The following ATP6V1H variants were observed in gnomAD, a reference collection of about 807,000 sequenced individuals.
ATP6V1H encodes the protein V-type proton ATPase subunit H.
Under a neutral mutation model 71.7 loss-of-function variants are expected in ATP6V1H, and 39 were observed. The observed-to-expected ratio is 0.54, with a 90% CI of 0.42 to 0.71. The LOEUF is 0.71. ATP6V1H is among the 30% of genes least tolerant of loss of function. The pLI, the probability that ATP6V1H is intolerant of heterozygous loss-of-function variation, is 0.00. For synonymous variants in ATP6V1H, 192 were observed against 199.3 expected (o/e 0.96, Z 0.31); for missense variants, 509 against 594.9 (o/e 0.86, Z 1.50).
intron 5 of ATP6V1H, 59 bp downstream of exon 5, chr8:53,817,358 T>A: frequency 8.5e-7 from 1 of 1,172,824 alleles, no homozygotes; most frequent in Non-Finnish European, 1.2e-6. Flanking sequence ...GACAACATAG[T>A]GAGACCCTCT....
chr8:53,791,554 C>T (rs1256822898), intron 9 of ATP6V1H, among the ~76,000 whole-genome samples: 4 of 152,256 alleles, frequency 2.6e-5, no homozygotes, highest in Admixed American at 6.5e-5. Context: ...ACAAGTCCTA[C>T]AAGCACAAAC....
At chr8:53,829,378 T>C (rs919999785) in intron 4 of ATP6V1H, 66 bp downstream of exon 4, 4 of 943,598 alleles carry the variant, frequency 4.2e-6, no homozygotes, top group African/African-American at 3.3e-5. Context: ...TCACCAAAAA[T>C]GCTGCTACTG....
At chr8:53,738,005 AAAT>A (rs1807285109) in intron 13 of ATP6V1H, among the ~76,000 whole-genome samples, 1 of 152,226 alleles carries the variant, frequency 6.6e-6, no homozygotes, top group Non-Finnish European at 1.5e-5. Context: ...GAAACTGAGA[AAAT>A]AATTCAAAAA....
At chr8:53,719,452 G>T (rs953369603) in intron 13 of ATP6V1H, among the ~76,000 whole-genome samples, 11 of 152,110 alleles carry the variant, frequency 7.2e-5, no homozygotes, top group African/African-American at 2.7e-4. Context: ...CACTGCACCT[G>T]GCCAGCTTAT....
intron 9 of ATP6V1H, among the ~76,000 whole-genome samples, chr8:53,780,692 T>A (rs534609698): frequency 2.0e-5 from 3 of 151,942 alleles, no homozygotes; most frequent in Admixed American, 6.5e-5. Context: ...CCCTCCCCCA[T>A]CCCCCACTCC....
At chr8:53,800,169 C>G (rs1440966966) in intron 8 of ATP6V1H, among the ~76,000 whole-genome samples, 1 of 152,194 alleles carries the variant, frequency 6.6e-6, no homozygotes, top group Non-Finnish European at 1.5e-5. Context: ...TGCGACCCCT[C>G]TGGGAGGAAG....
At chr8:53,781,045 G>C (rs956836554) in intron 9 of ATP6V1H, among the ~76,000 whole-genome samples, 3 of 152,048 alleles carry the variant, frequency 2.0e-5, no homozygotes, top group African/African-American at 7.3e-5. Context: ...TAATCCTTTG[G>C]GTATATACCC....
intron 2 of ATP6V1H, among the ~76,000 whole-genome samples, chr8:53,834,884 G>A (rs1330696586): frequency 1.3e-5 from 2 of 149,512 alleles, no homozygotes; most frequent in East Asian, 4.3e-4. Context: ...GCTCATGCCT[G>A]TAATCCCAGC....
At chr8:53,748,622 A>G (rs776691840) in intron 12 of ATP6V1H, among the ~76,000 whole-genome samples, 2 of 152,226 alleles carry the variant, frequency 1.3e-5, no homozygotes, top group Non-Finnish European at 2.9e-5. Context: ...CCCATGATAA[A>G]TGAGGAAATG....
intron 4 of ATP6V1H, among the ~76,000 whole-genome samples, chr8:53,828,611 G>A (rs1356107955): frequency 6.6e-6 from 1 of 152,098 alleles, no homozygotes; most frequent in South Asian, 2.1e-4. Flanking sequence ...TCCTGATATT[G>A]ATCCTTCCTC....
intron 6 of ATP6V1H, among the ~76,000 whole-genome samples, chr8:53,812,913 T>A (rs1189511579): frequency 6.6e-6 from 1 of 152,128 alleles, no homozygotes; most frequent in Admixed American, 6.6e-5. Context: ...CAGGCTGGTC[T>A]CAAACTCCTG....
intron 7 of ATP6V1H, among the ~76,000 whole-genome samples, chr8:53,805,719 T>C (rs1442921770): frequency 6.6e-6 from 1 of 152,136 alleles, no homozygotes; most frequent in African/African-American, 2.4e-5. Context: ...ACAGCAAAAT[T>C]ATTCACAAGA....
chr8:53,795,406 T>C (rs1002668357), intron 9 of ATP6V1H, among the ~76,000 whole-genome samples: 6 of 152,096 alleles, frequency 3.9e-5, no homozygotes, highest in African/African-American at 1.2e-4. Context: ...CATAATCCAA[T>C]TGCATTTCCC....
intron 4 of ATP6V1H, among the ~76,000 whole-genome samples, chr8:53,820,983 A>G (rs1160832091): frequency 6.8e-6 from 1 of 147,516 alleles, no homozygotes; most frequent in Admixed American, 6.8e-5. Flanking sequence ...CTCTGTCTCA[A>G]AAAAAAAAAA....
At chr8:53,824,267 T>C (rs902062226) in intron 4 of ATP6V1H, among the ~76,000 whole-genome samples, 5 of 152,172 alleles carry the variant, frequency 3.3e-5, no homozygotes, top group Non-Finnish European at 7.4e-5. Context: ...CAGGTTCAGA[T>C]GTATTCACAA....
Position 53,755,719 on chromosome 8 carries a change from TATATATATATATATATATATA to T in ATP6V1H, c.1277+815_1277+835del, listed in dbSNP as rs1563451141. Among the ~76,000 whole-genome samples, 22 of 7,834 alleles carry T rather than the reference TATATATATATATATATATATA, an allele frequency of 2.8e-3. 1 individual carries two copies. Among genetic ancestry groups the T allele is most frequent in the East Asian group, 0.01 (2 of 196 alleles). The allele number at this position is 7,834 out of a possible 152,430, so 5.1% of individuals were successfully genotyped here. A position where few individuals can be genotyped will look rare whatever the true frequency, so the allele number is the denominator to read the frequency against. On this transcript the variant is annotated intron_variant, in intron 12 of 13. Coordinates refer to ENST00000359530, the MANE Select transcript of ATP6V1H (RefSeq NM_015941.4). ...ATATATATATATATATATATATATATATATATATATATATATATATATATATTTTTTTTTTTTTTTTTTTTT... is the reference window on the plus strand; with the variant it reads ...ATATATATATATATATATATATATATTATATTTTTTTTTTTTTTTTTTTTT...
chr8:53,805,424 C>T (rs1563474935), intron 7 of ATP6V1H, among the ~76,000 whole-genome samples: 1 of 152,130 alleles, frequency 6.6e-6, no homozygotes, highest in Non-Finnish European at 1.5e-5. Context: ...GACTATTAAA[C>T]TTTTCTTTTT....
At chr8:53,737,215 C>T (rs1005586939) in intron 13 of ATP6V1H, among the ~76,000 whole-genome samples, 1 of 152,246 alleles carries the variant, frequency 6.6e-6, no homozygotes, top group African/African-American at 2.4e-5. Flanking sequence ...TTGTCTGCGG[C>T]TCGTCCTGCT....
chr8:53,809,887 C>A (rs144709802), intron 7 of ATP6V1H, among the ~76,000 whole-genome samples: 1 of 152,146 alleles, frequency 6.6e-6, no homozygotes, highest in Non-Finnish European at 1.5e-5. Context: ...GCCCCAGGAT[C>A]GCGTATCTAG....
Sources: allele counts gnomAD v4.1 joint callset (sites outside exome capture counted in the v4.1 genomes callset), GRCh38; gene constraint gnomAD v4.1.1; transcripts MANE v1.5; gene names NCBI Gene and HGNC (gene_info 2026-07-23, HGNC 2026-07-21).